The following CHD2 variants were observed in gnomAD, a reference collection of about 807,000 sequenced individuals.
CHD2 encodes chromodomain helicase DNA binding protein 2.
Under a neutral mutation model 243.9 loss-of-function variants are expected in CHD2, and 28 were observed. The ratio of observed to expected loss-of-function variants is 0.11; its 90% CI spans 0.09 to 0.16. CHD2 has a LOEUF of 0.16. CHD2 is among the 10% of genes least tolerant of loss of function. The pLI is 1.00. For missense variants in CHD2, 1,386 were observed against 2,209.8 expected (o/e 0.63, Z 7.47); for synonymous variants, 775 against 779.0 (o/e 0.99, Z 0.09).
intron 13 of CHD2, among the ~76,000 whole-genome samples, chr15:92,949,568 G>C (rs1200919234): frequency 6.6e-6 from 1 of 152,136 alleles, no homozygotes; most frequent in Admixed American, 6.5e-5. Context: ...CTGTTCAGAG[G>C]AAGGTTGAAC....
At position 92,971,722 on chromosome 15, in the gene CHD2, GT is replaced by G. The variant is rs771709766; in HGVS notation, c.2190-36del. 6 of 1,560,898 alleles carry G rather than the reference GT, an allele frequency of 3.8e-6. No individual in the cohort carries two copies. In the African/African-American group the frequency reaches 4.1e-5, roughly 11 times the overall value. Reference sequence around the variant, plus strand: ...ACTCTTCTGGTACCTACAACTTTCTGTTTTTTTGTATCTAGTAGTATCATTA... The same window carrying G: ...ACTCTTCTGGTACCTACAACTTTCTGTTTTTTGTATCTAGTAGTATCATTA... On this transcript the variant is annotated intron_variant, in intron 17 of 38. Transcript: ENST00000394196.
chr15:92,971,297 C>T (rs931703670), intron 17 of CHD2, among the ~76,000 whole-genome samples: 1 of 152,176 alleles, frequency 6.6e-6, no homozygotes, highest in African/African-American at 2.4e-5. Context: ...ATGAGAATTT[C>T]CTTTGAGCGT....
Position 92,985,483 on chromosome 15 carries a change from C to G in CHD2, c.3238-15C>G. On this transcript the variant is annotated splice_polypyrimidine_tract_variant and intron_variant, in intron 25 of 38. Transcript: ENST00000394196. ...CGCACTTGTTACAGTGTGACTTTGC[C>G]TCGATCTTTCTCAGGCTCAGACAAA... 6.2e-7 allele frequency: 1 copy of G among 1,600,690 alleles called. No homozygotes were observed. The highest frequency in any genetic ancestry group is 2.2e-5 in the East Asian group (1 of 44,612).
chr15:93,002,065 T>TTCTAAGTATAGACAGTGATGAACC, intron 32 of CHD2, 112 bp from the exon 33 acceptor site: 1 of 1,387,964 alleles, frequency 7.2e-7, no homozygotes, highest in Non-Finnish European at 9.5e-7. Flanking sequence ...GAAAACAAGC[T>TTCTAAGTATAGACAGTGATGAACC]TCTAAGTATA....
At position 92,997,325 on chromosome 15, in the gene CHD2, G is replaced by T. The variant is rs1040196048; in HGVS notation, c.3807G>T (p.Leu1269=). Residue 1269 remains leucine (L), a synonymous_variant, in exon 30 of 39, where the codon CTG becomes CTT. Coordinates refer to ENST00000394196, the MANE Select transcript of CHD2 (RefSeq NM_001271.4). This position sits in a 1 kb window ranked among gnomAD's most constrained non-coding sequence, Gnocchi z 4.1. The part of the protein sequence containing the change: ...VEWGVEDDSR[L]LLGIYEHGYG... ...GGGGGGTGGAAGATGATTCTCGCCT[G>T]TTGCTGGGGATTTATGAACATGGCT... 7.4e-6 allele frequency: 12 copies of T among 1,613,434 alleles called. No homozygotes were observed. In the Admixed American group the frequency reaches 1.8e-4, roughly 25 times the overall value.
rs374238158 is a variant in CHD2, at chr15:93,003,735, G to A, written c.4279-882G>A. On this transcript the variant is annotated intron_variant, in intron 33 of 38. Coordinates refer to ENST00000394196, the MANE Select transcript of CHD2 (RefSeq NM_001271.4). Reference sequence around the variant, plus strand: ...CCCCATAACCACTACTGTGAAGTGGGTCCGAAACCTTCCTGTTCATGTTTT... The same window carrying A: ...CCCCATAACCACTACTGTGAAGTGGATCCGAAACCTTCCTGTTCATGTTTT... Among the ~76,000 whole-genome samples the A allele has an allele frequency of 1.1e-4, 16 of 152,052 alleles. No homozygotes were observed. In the East Asian group the frequency reaches 2.5e-3, roughly 24 times the overall value.
chr15:92,913,072 G>T (rs1023592836), intron 2 of CHD2, among the ~76,000 whole-genome samples: 1 of 152,164 alleles, frequency 6.6e-6, no homozygotes, highest in Non-Finnish European at 1.5e-5. Context: ...ATCACCTGGG[G>T]TGCTTGTTCA....
chr15:93,003,217 C>T (rs980980814), intron 33 of CHD2, among the ~76,000 whole-genome samples: 2 of 150,068 alleles, frequency 1.3e-5, no homozygotes, highest in African/African-American at 2.5e-5. Flanking sequence ...CCCAGGAGCT[C>T]GAGGCTGCAG....
At chr15:92,982,141 A>G (rs974759367) in intron 24 of CHD2, among the ~76,000 whole-genome samples, 1 of 152,214 alleles carries the variant, frequency 6.6e-6, no homozygotes, top group Non-Finnish European at 1.5e-5. Flanking sequence ...CAGGAAGGAA[A>G]TGATTTGATG....
In CHD2 at chr15:92,997,297, A is replaced by C; in HGVS notation, c.3779A>C (p.Glu1260Ala). The C allele has an allele frequency of 6.2e-7, 1 of 1,613,902 alleles. No individual in the cohort carries two copies. The highest frequency in any genetic ancestry group is 8.5e-7 in the Non-Finnish European group (1 of 1,179,976). The change falls in exon 30 of 39, where the codon GAG becomes GCG. Residue 1260 changes from glutamate (E) to alanine (A), a missense_variant. Glu to Ala is a moderately radical substitution (Grantham distance 107). Coordinates refer to ENST00000394196, the MANE Select transcript of CHD2 (RefSeq NM_001271.4). This position sits in a 1 kb window ranked among gnomAD's most constrained non-coding sequence, Gnocchi z 4.1. ...GTCAAAGCTGCACATTTTGATGTAG[A>C]GTGGGGGGTGGAAGATGATTCTCGC... ...CRVKAAHFDVEWGVEDDSRLL... is the reference protein window; with the variant it reads ...CRVKAAHFDVAWGVEDDSRLL...
At position 92,900,370 on chromosome 15, in the gene CHD2, C is replaced by T. The variant is rs1025740968; in HGVS notation, c.-526C>T. The T allele has an allele frequency of 2.6e-6, 1 of 390,598 alleles. No homozygotes were observed. The highest frequency in any genetic ancestry group is 3.6e-5 in the East Asian group (1 of 27,584). The allele number at this position is 390,598 out of a possible 1,614,324, so 24.2% of individuals were successfully genotyped here. A position where few individuals can be genotyped will look rare whatever the true frequency, so the allele number is the denominator to read the frequency against. ...GATGGCGGCTGTGCCTTAGAGAGAG[C>T]GCGCTCTGCTCCCTGCCTTTGCCTC... On this transcript the variant is annotated 5_prime_UTR_variant, in exon 1 of 39. Coordinates refer to ENST00000394196, the MANE Select transcript of CHD2 (RefSeq NM_001271.4).
intron 16 of CHD2, among the ~76,000 whole-genome samples, chr15:92,962,277 A>G (rs2053700998): frequency 6.6e-6 from 1 of 152,002 alleles, no homozygotes; most frequent in Non-Finnish European, 1.5e-5. Context: ...AGTTTAGATT[A>G]CTGATGTAAA....
chr15:93,000,376 C>T (rs908455917), intron 31 of CHD2, 136 bp from the exon 32 acceptor site: 2 of 876,102 alleles, frequency 2.3e-6, no homozygotes, highest in African/African-American at 3.4e-5. Context: ...AAATGAGTTG[C>T]ACTCTTTTGA....
intron 17 of CHD2, among the ~76,000 whole-genome samples, chr15:92,968,003 C>A (rs998038919): frequency 1.3e-5 from 2 of 151,816 alleles, no homozygotes; most frequent in Non-Finnish European, 2.9e-5. Context: ...ATGTAAGCTC[C>A]GTGCATTTTG....
Position 92,998,637 on chromosome 15 carries a change from G to T in CHD2, c.4008+16G>T. On this transcript the variant is annotated intron_variant, in intron 31 of 38. Transcript: ENST00000394196. This position sits in a 1 kb window ranked among gnomAD's most constrained non-coding sequence, Gnocchi z 5.1. ...TGGGGAAGAGGTGAGTACGCTGCCA[G>T]CTGGTTGTTTTTCAGGGGCCTGAGG... 3 of 1,608,836 alleles carry T rather than the reference G, an allele frequency of 1.9e-6. No homozygotes were observed. The highest frequency in any genetic ancestry group is 2.5e-6 in the Non-Finnish European group (3 of 1,177,310).
intron 23 of CHD2, 56 bp downstream of exon 23, chr15:92,980,967 T>A: frequency 8.5e-7 from 1 of 1,174,852 alleles, no homozygotes; most frequent in Non-Finnish European, 1.3e-6. Flanking sequence ...TGTGAGAGTC[T>A]AACTTTTCTG....
intron 2 of CHD2, among the ~76,000 whole-genome samples, chr15:92,909,577 G>C (rs2052689775): frequency 6.6e-6 from 1 of 152,110 alleles, no homozygotes; most frequent in Non-Finnish European, 1.5e-5. Context: ...CCTGAGGCTG[G>C]ATAATTTGTT....
At chr15:92,985,375 A>AT in intron 25 of CHD2, 123 bp from the exon 26 acceptor site, 1 of 955,922 alleles carries the variant, frequency 1.0e-6, no homozygotes, top group Non-Finnish European at 1.5e-6. Context: ...TCAAAGGAAA[A>AT]TTGACTTGTC....
At chr15:93,013,648 A>G (rs1229133641) in intron 36 of CHD2, among the ~76,000 whole-genome samples, 1 of 152,154 alleles carries the variant, frequency 6.6e-6, no homozygotes, top group Non-Finnish European at 1.5e-5. Flanking sequence ...AAATACATTC[A>G]ATGTGGCTAG....
Sources: allele counts gnomAD v4.1 joint callset (sites outside exome capture counted in the v4.1 genomes callset), GRCh38; gene constraint gnomAD v4.1.1; non-coding constraint Gnocchi (gnomAD v3.1); transcripts MANE v1.5; gene names NCBI Gene and HGNC (gene_info 2026-07-23, HGNC 2026-07-21).